RERG: variants seen among roughly 807,000 people sequenced by gnomAD.
The protein encoded by RERG is RAS like estrogen regulated growth inhibitor, also known as ras-related and estrogen-regulated growth inhibitor.
Under a neutral mutation model 23.2 loss-of-function variants are expected in RERG, and 25 were observed. The observed-to-expected ratio is 1.08, with a 90% confidence interval of 0.79 to 1.50. The LOEUF (loss-of-function observed/expected upper bound fraction) is 1.50. Among genes scored for constraint, RERG ranks in the 40% most tolerant of loss-of-function variants. The probability of loss-of-function intolerance (pLI) is 0.00; values close to 1 mark genes in which losing one functional copy is unlikely to be tolerated. For missense variants in RERG, 253 were observed against 250.1 expected (o/e 1.01, Z -0.08); for synonymous variants, 81 against 89.1 (o/e 0.91, Z 0.51).
intron 2 of RERG, among the ~76,000 whole-genome samples, chr12:15,177,490 C>A (rs1294023799): frequency 6.6e-6 from 1 of 152,134 alleles, no homozygotes; most frequent in Non-Finnish European, 1.5e-5. Context: ...CAGAGCAATT[C>A]TCCCACTATA....
chr12:15,127,356 TG>T (rs1184715982), intron 2 of RERG, among the ~76,000 whole-genome samples: 3 of 152,250 alleles, frequency 2.0e-5, no homozygotes, highest in Admixed American at 6.5e-5. Context: ...ATTGCTATTG[TG>T]CTTGGGCCTG....
intron 2 of RERG, among the ~76,000 whole-genome samples, chr12:15,150,026 A>G (rs1864411414): frequency 6.6e-6 from 1 of 152,134 alleles, no homozygotes; most frequent in Non-Finnish European, 1.5e-5. Context: ...CTACTATGCT[A>G]CTTTGGTCTG....
intron 2 of RERG, chr12:15,155,218 T>C (rs577517752): frequency 1.8e-4 from 27 of 152,284 alleles, no homozygotes; most frequent in African/African-American, 6.5e-4. Flanking sequence ...ATTGTAACTT[T>C]TGGAAAAACA....
chr12:15,185,531 C>T (rs1029666934), intron 2 of RERG, among the ~76,000 whole-genome samples: 1 of 152,126 alleles, frequency 6.6e-6, no homozygotes, highest in Non-Finnish European at 1.5e-5. Context: ...AAGAAACACT[C>T]CAACCTGTAT....
At chr12:15,133,556 C>T (rs368148474) in intron 2 of RERG, among the ~76,000 whole-genome samples, 9 of 152,160 alleles carry the variant, frequency 5.9e-5, no homozygotes, top group East Asian at 5.8e-4. Flanking sequence ...CAAATATCCA[C>T]GGGCAGGTTT....
chr12:15,178,343 A>G (rs1864880363), intron 2 of RERG, among the ~76,000 whole-genome samples: 1 of 152,172 alleles, frequency 6.6e-6, no homozygotes, highest in Non-Finnish European at 1.5e-5. Context: ...TATGTCTTTG[A>G]GCCTCTGTTA....
chr12:15,195,120 A>G (rs569121710), intron 2 of RERG, among the ~76,000 whole-genome samples: 1 of 152,148 alleles, frequency 6.6e-6, no homozygotes, highest in Non-Finnish European at 1.5e-5. Flanking sequence ...TCTGAACATC[A>G]TTATAGTCAT....
intron 2 of RERG, among the ~76,000 whole-genome samples, chr12:15,187,811 G>A (rs1219843420): frequency 3.3e-5 from 5 of 151,716 alleles, no homozygotes; most frequent in South Asian, 4.3e-4. Context: ...CACCCGCCTC[G>A]GCCTCCCAAA....
At chr12:15,153,148 T>C (rs1235195315) in intron 2 of RERG, among the ~76,000 whole-genome samples, 1 of 152,204 alleles carries the variant, frequency 6.6e-6, no homozygotes, top group Non-Finnish European at 1.5e-5. Context: ...TTGTTACACA[T>C]TTGTTTTCTG....
chr12:15,158,677 A>G (rs1037582273), intron 2 of RERG, among the ~76,000 whole-genome samples: 5 of 152,258 alleles, frequency 3.3e-5, no homozygotes, highest in African/African-American at 1.2e-4. Context: ...ATAGACTAAA[A>G]TGTCCCTCAG....
At chr12:15,166,440 C>G (rs1864687970) in intron 2 of RERG, among the ~76,000 whole-genome samples, 1 of 151,888 alleles carries the variant, frequency 6.6e-6, no homozygotes, top group African/African-American at 2.4e-5. Flanking sequence ...GGACAAGTCA[C>G]CAAGGCACTC....
intron 2 of RERG, among the ~76,000 whole-genome samples, chr12:15,153,127 A>G (rs1275576794): frequency 6.6e-6 from 1 of 152,226 alleles, no homozygotes; most frequent in Non-Finnish European, 1.5e-5. Flanking sequence ...AAGTAATGGA[A>G]AAAATGTGAC....
At position 15,133,146 on chromosome 12, in the gene RERG, G is replaced by GATATATATATATAT. The variant is rs376565973; in HGVS notation, c.62-12041_62-12028dup. On this transcript the variant is annotated intron_variant, in intron 2 of 4. Coordinates refer to ENST00000256953, the MANE Select transcript of RERG (RefSeq NM_032918.3). ...CTCTTGGGGTTGTATATCCTGTGGA[G>GATATATATATATAT]ATATATATATATATATATATATATA... 3.0e-3 allele frequency among the ~76,000 whole-genome samples: 378 copies of GATATATATATATAT among 125,130 alleles called. 2 individuals carry two copies. Among genetic ancestry groups the GATATATATATATAT allele is most frequent in the African/African-American group, 0.011 (325 of 30,936 alleles). The allele number at this position is 125,130 out of a possible 152,430, so 82.1% of individuals were successfully genotyped here.
intron 2 of RERG, among the ~76,000 whole-genome samples, chr12:15,136,235 T>C (rs1273508658): frequency 1.3e-5 from 2 of 152,066 alleles, no homozygotes; most frequent in African/African-American, 4.8e-5. Context: ...CCATGGGCTC[T>C]GTCGTGATAT....
In RERG at chr12:15,109,051, A is replaced by G. The variant is rs1179915086; in HGVS notation, c.*59T>C. ...AATGCAATATTTTGTTTTATTTTTG[A>G]AAGGGGAACAGAAGGGGAAGAGTGT... On this transcript the variant is annotated 3_prime_UTR_variant, in exon 5 of 5. Coordinates refer to ENST00000256953, the MANE Select transcript of RERG (RefSeq NM_032918.3). 1.4e-6 allele frequency: 2 copies of G among 1,424,360 alleles called. No homozygotes were observed. The highest frequency in any genetic ancestry group is 1.5e-5 in the South Asian group (1 of 67,902). 88.2% of individuals were successfully genotyped at this position (1,424,360 alleles called of 1,614,324 possible). A position where few individuals can be genotyped will look rare whatever the true frequency, so the allele number is the denominator to read the frequency against.
At chr12:15,129,278 C>CA (rs34234575) in intron 2 of RERG, among the ~76,000 whole-genome samples, 2,081 of 135,128 alleles carry the variant, frequency 0.015, 29 homozygotes, top group South Asian at 0.067. Flanking sequence ...AATAAGATGT[C>CA]AAAAAAAAAA....
chr12:15,137,815 A>G (rs762438425), intron 2 of RERG: 1 of 431,226 alleles, frequency 2.3e-6, no homozygotes. Flanking sequence ...AGAAAAATTA[A>G]AGTTTTAATT....
intron 2 of RERG, among the ~76,000 whole-genome samples, chr12:15,194,278 G>C (rs1371084488): frequency 6.6e-6 from 1 of 152,082 alleles, no homozygotes; most frequent in Non-Finnish European, 1.5e-5. Context: ...CTTGCTGTTA[G>C]GGAGCAAAGG....
At chr12:15,118,714 C>T (rs573148651) in intron 3 of RERG, among the ~76,000 whole-genome samples, 5 of 151,924 alleles carry the variant, frequency 3.3e-5, no homozygotes, top group African/African-American at 9.7e-5. Flanking sequence ...CATGCCCCCC[C>T]CCACCCTCAG....
Sources: allele counts gnomAD v4.1 joint callset (sites outside exome capture counted in the v4.1 genomes callset), GRCh38; gene constraint gnomAD v4.1.1; transcripts MANE v1.5; gene names NCBI Gene and HGNC (gene_info 2026-07-23, HGNC 2026-07-21).